Variants in MECOM observed in about 807,000 individuals in gnomAD.
MECOM encodes histone-lysine N-methyltransferase MECOM.
In MECOM, 13 loss-of-function variants were observed where a neutral mutation model predicts 116.3. That is an observed-to-expected ratio of 0.11 (90% CI 0.07 to 0.18). The LOEUF (loss-of-function observed/expected upper bound fraction) is 0.18. MECOM is among the 10% of genes least tolerant of loss of function. The pLI, the probability that MECOM is intolerant of heterozygous loss-of-function variation, is 1.00. For synonymous variants in MECOM, 528 were observed against 535.2 expected (o/e 0.99, Z 0.19); for missense variants, 1,299 against 1,509.0 (o/e 0.86, Z 2.31).
intron 1 of MECOM, among the ~76,000 whole-genome samples, chr3:169,610,736 T>C (rs1271108525): frequency 6.6e-6 from 1 of 152,182 alleles, no homozygotes; most frequent in African/African-American, 2.4e-5. Context: ...TGGAAGACAC[T>C]TCTTGGGTGA....
intron 1 of MECOM, among the ~76,000 whole-genome samples, chr3:169,414,431 C>A (rs771595004): frequency 7.9e-5 from 12 of 152,238 alleles, no homozygotes; most frequent in Non-Finnish European, 1.5e-4. Flanking sequence ...TGGGGAAAAA[C>A]CAGCACAAAA....
chr3:169,116,820 CA>C, intron 7 of MECOM, 81 bp from the exon 8 acceptor site: 1 of 1,484,518 alleles, frequency 6.7e-7, no homozygotes, highest in Middle Eastern at 1.8e-4. Flanking sequence ...TTGGTTTACT[CA>C]AAATTTCAAT....
At chr3:169,414,848 G>A (rs1347542437) in intron 1 of MECOM, among the ~76,000 whole-genome samples, 1 of 152,056 alleles carries the variant, frequency 6.6e-6, no homozygotes, top group African/African-American at 2.4e-5. Context: ...AGAATAAAAA[G>A]GAATGAACAA....
intron 2 of MECOM, among the ~76,000 whole-genome samples, chr3:169,354,761 C>T (rs1438385477): frequency 6.6e-6 from 1 of 151,706 alleles, no homozygotes; most frequent in African/African-American, 2.4e-5. Context: ...TATATGTTTG[C>T]ATGGGCATAT....
chr3:169,305,319 T>G (rs914326411), intron 2 of MECOM, among the ~76,000 whole-genome samples: 2 of 152,090 alleles, frequency 1.3e-5, no homozygotes, highest in African/African-American at 4.8e-5. Context: ...GTGGAAAAGG[T>G]AGGTGTAACA....
chr3:169,374,252 C>T (rs904490571), intron 2 of MECOM, among the ~76,000 whole-genome samples: 4 of 151,798 alleles, frequency 2.6e-5, no homozygotes, highest in East Asian at 1.9e-4. Flanking sequence ...TGGAGGAGAG[C>T]GCTCACCAGA....
chr3:169,190,248 A>C (rs1747332577), intron 2 of MECOM, among the ~76,000 whole-genome samples: 1 of 152,076 alleles, frequency 6.6e-6, no homozygotes, highest in African/African-American at 2.4e-5. Context: ...AAGGTATTTT[A>C]AAAATCTGGG....
At chr3:169,159,458 C>T (rs1369997628) in intron 2 of MECOM, among the ~76,000 whole-genome samples, 2 of 152,144 alleles carry the variant, frequency 1.3e-5, no homozygotes, top group East Asian at 3.9e-4. Flanking sequence ...GCTTGGGAGG[C>T]TGAGGCAGGA....
chr3:169,578,760 G>A (rs969419000), intron 1 of MECOM, among the ~76,000 whole-genome samples: 10 of 152,140 alleles, frequency 6.6e-5, no homozygotes, highest in African/African-American at 1.4e-4. Context: ...AATTACAAGC[G>A]TACACAAAAG....
Position 169,084,968 on chromosome 3 carries a change from G to A in MECOM, c.3661C>T (p.His1221Tyr). ...TCCGCCGCAGCCCTGGCCATACTGT[G>A]CCACACGTTGGAAGAACTGTGGGAT... ...STSHSSSNVW[H>Y]SMARAAAESS... The change falls in exon 17 of 17, where the codon CAC becomes TAC. Residue 1221 changes from histidine to tyrosine, a missense_variant. By Grantham distance (83) the His-to-Tyr change is moderately conservative (BLOSUM62 2). This residue lies in a region of MECOM where 273 missense variants were observed against 289.3 expected (regional missense o/e 0.94). Coordinates refer to ENST00000651503, the MANE Select transcript of MECOM (RefSeq NM_004991.4). 1 of 1,614,128 alleles carries A rather than the reference G, an allele frequency of 6.2e-7. No individual in the cohort carries two copies. The highest frequency in any genetic ancestry group is 8.5e-7 in the Non-Finnish European group (1 of 1,180,008).
At chr3:169,573,236 G>A (rs4955663) in intron 1 of MECOM, among the ~76,000 whole-genome samples, 51,857 of 152,070 alleles carry the variant, frequency 0.34, 9,118 homozygotes, top group Middle Eastern at 0.43. Context: ...TTCAAAAGGC[G>A]AACGAATGAA....
At chr3:169,109,037 G>C (rs1423423732) in intron 9 of MECOM, among the ~76,000 whole-genome samples, 2 of 152,156 alleles carry the variant, frequency 1.3e-5, no homozygotes, top group African/African-American at 4.8e-5. Context: ...TTACAATAGT[G>C]TAATTGCAAA....
chr3:169,605,436 C>T (rs1041487224), intron 1 of MECOM, among the ~76,000 whole-genome samples: 1 of 152,216 alleles, frequency 6.6e-6, no homozygotes, highest in African/African-American at 2.4e-5. Flanking sequence ...TAGACATTAA[C>T]TCTGGAAGAA....
At position 169,648,695 on chromosome 3, in the gene MECOM, G is replaced by A. The variant is rs186273221; in HGVS notation, c.37+14641C>T. ...AAAGACAGTTGGAAGAGAAGGCAGC[G>A]CTTTTTATTCTTATTTCTGTTTCAT... On this transcript the variant is annotated intron_variant, in intron 1 of 16. Transcript: ENST00000651503. Among the ~76,000 whole-genome samples, 38 of 152,316 alleles carry A rather than the reference G, an allele frequency of 2.5e-4. No individual in the cohort carries two copies. In the East Asian group the frequency reaches 4.6e-3, roughly 19 times the overall value.
At chr3:169,341,359 T>C (rs1311696556) in intron 2 of MECOM, among the ~76,000 whole-genome samples, 1 of 141,548 alleles carries the variant, frequency 7.1e-6, no homozygotes, top group Non-Finnish European at 1.5e-5. Context: ...ATTGAACTCA[T>C]GGACTTAGAG....
intron 1 of MECOM, among the ~76,000 whole-genome samples, chr3:169,653,031 C>G (rs541701275): frequency 1.3e-5 from 2 of 152,262 alleles, no homozygotes; most frequent in East Asian, 3.9e-4. Context: ...AGTGAGGGGT[C>G]ATGGGCAATA....
In MECOM at chr3:169,663,523, TCTCTCTC is replaced by T. The variant is rs1776613560; in HGVS notation, c.-158_-152del. ...CTCTCTCTCTCTCTCTCTCTCTCTC[TCTCTCTC>T]CCTCCCTCCTGTTTCTCTCCTGTTT... is the stretch of plus-strand genomic sequence containing the variant. On this transcript the variant is annotated 5_prime_UTR_variant, in exon 1 of 17. Coordinates refer to ENST00000651503, the MANE Select transcript of MECOM (RefSeq NM_004991.4). The T allele has an allele frequency of 1.8e-6, 1 of 566,316 alleles. No individual in the cohort carries two copies. Among genetic ancestry groups the T allele is most frequent in the Non-Finnish European group, 3.1e-6 (1 of 322,648 alleles). 35.1% of individuals were successfully genotyped at this position (566,316 alleles called of 1,614,324 possible).
chr3:169,506,512 CTG>C (rs1195482843), intron 1 of MECOM, among the ~76,000 whole-genome samples: 7 of 151,456 alleles, frequency 4.6e-5, no homozygotes, highest in Admixed American at 4.6e-4. Context: ...GGCCCACAGA[CTG>C]TGCATTTAAT....
intron 1 of MECOM, among the ~76,000 whole-genome samples, chr3:169,478,045 T>C (rs1578212669): frequency 6.6e-6 from 1 of 152,120 alleles, no homozygotes; most frequent in Admixed American, 6.5e-5. Context: ...GGTGAACAAA[T>C]GTCCTAGCAA....
Sources: gnomAD v4.1 joint callset for allele counts (sites outside exome capture counted in the v4.1 genomes callset) on GRCh38, gnomAD v4.1.1 for gene constraint, gnomAD v4.1.1 regional missense constraint, MANE v1.5 for transcripts, NCBI Gene and HGNC (gene_info 2026-07-23, HGNC 2026-07-21) for gene names.